The following LYRM4 variants were observed in gnomAD, a reference collection of about 807,000 sequenced individuals.
LYRM4 encodes the protein LYR motif containing 4.
A neutral mutation model predicts 11.7 loss-of-function variants in LYRM4; 9 were observed. The observed-to-expected ratio is 0.77, with a 90% CI of 0.46 to 1.34. The LOEUF (loss-of-function observed/expected upper bound fraction) is 1.34. Ranked by LOEUF, LYRM4 falls within the 40% of genes most tolerant of loss-of-function variation. The pLI is 0.00. For missense variants in LYRM4, 133 were observed against 112.5 expected (o/e 1.18, Z -0.82); for synonymous variants, 42 against 40.4 (o/e 1.04, Z -0.15).
chr6:5,117,446 TC>T (rs1308629425), intron 2 of LYRM4, among the ~76,000 whole-genome samples: 1 of 151,836 alleles, frequency 6.6e-6, no homozygotes, highest in East Asian at 1.9e-4. Context: ...TCGCAGCTAC[TC>T]GGGAGGCTGA....
chr6:5,081,370 C>T, the LYRM4 span, among the ~76,000 whole-genome samples: 5 of 152,180 alleles, frequency 3.3e-5, no homozygotes, highest in African/African-American at 4.8e-5. Context: ...TGTTTCTGCA[C>T]CTTTCAGGAG....
chr6:5,209,807 AG>A (rs761404727), intron 2 of LYRM4, among the ~76,000 whole-genome samples: 14 of 152,232 alleles, frequency 9.2e-5, no homozygotes, highest in Admixed American at 6.5e-5. Flanking sequence ...GAAGCCAACC[AG>A]GGAACAGGGA....
chr6:5,106,497 G>A (rs148634678), downstream of LYRM4: 1,428 of 152,390 alleles, frequency 9.4e-3, 12 homozygotes, highest in Middle Eastern at 0.017. Flanking sequence ...TGAGATTAAC[G>A]GGAGAGGCTG....
At chr6:5,105,835 A>ACAAAG (rs1429115116), downstream of LYRM4, 2 of 154,574 alleles carry the variant, frequency 1.3e-5, no homozygotes, top group Non-Finnish European at 2.9e-5. Flanking sequence ...ACAAAACAAA[A>ACAAAG]CAAAAACCTC....
chr6:5,054,082 A>G, the LYRM4 span: 8 of 981,548 alleles, frequency 8.2e-6, no homozygotes, highest in Non-Finnish European at 8.5e-6. Context: ...TCTTACCTTC[A>G]TCCAGGAACT....
rs374818346 is a variant in LYRM4 at position 5,131,148 on chromosome 6, T to C, written c.208-21657A>G. 2.6e-5 allele frequency among the ~76,000 whole-genome samples: 4 copies of C among 152,284 alleles called. No individual in the cohort carries two copies. The South Asian group carries it at 6.2e-4, about 24-fold the overall frequency. ...TATATTAATATTTGACAAGGCAGAA[T>C]TGAGTCTAAAACCTTCAAACTAAAT... On this transcript the variant is annotated intron_variant, in intron 2 of 2. Transcript: ENST00000330636.
the LYRM4 span, chr6:5,034,026 C>G: frequency 1.3e-5 from 2 of 152,338 alleles, no homozygotes; most frequent in Non-Finnish European, 2.9e-5. Flanking sequence ...CAGAGCCATG[C>G]TTTTGCATTT....
chr6:5,225,031 C>A (rs537058967), intron 1 of LYRM4, among the ~76,000 whole-genome samples: 1 of 152,044 alleles, frequency 6.6e-6, no homozygotes, highest in South Asian at 2.1e-4. Context: ...GGCGGATCAC[C>A]TGAGGTCGGG....
intron 2 of LYRM4, among the ~76,000 whole-genome samples, chr6:5,191,707 A>G (rs1760764899): frequency 1.3e-5 from 2 of 152,234 alleles, no homozygotes; most frequent in African/African-American, 4.8e-5. Flanking sequence ...TGGGTCTGAA[A>G]ACCACTGAGT....
At chr6:5,249,025 A>C (rs1466488889) in intron 1 of LYRM4, among the ~76,000 whole-genome samples, 1 of 152,264 alleles carries the variant, frequency 6.6e-6, no homozygotes, top group Non-Finnish European at 1.5e-5. Context: ...ATTTAACTGA[A>C]TTGGCAAAGT....
intron 1 of LYRM4, among the ~76,000 whole-genome samples, chr6:5,250,725 G>A (rs1268107365): frequency 6.8e-5 from 6 of 88,126 alleles, no homozygotes; most frequent in Admixed American, 4.7e-4. Flanking sequence ...CAGAACAAAC[G>A]TAAGAACTGA....
chr6:5,055,311 C>T, the LYRM4 span, among the ~76,000 whole-genome samples: 1 of 152,202 alleles, frequency 6.6e-6, no homozygotes, highest in East Asian at 1.9e-4. The surrounding 1 kb of genome is among the most constrained non-coding windows in gnomAD (Gnocchi z 4.5). Flanking sequence ...TCAGGACCTC[C>T]TGAGGCTGTG....
chr6:5,053,388 A>T, the LYRM4 span, among the ~76,000 whole-genome samples: 1 of 152,116 alleles, frequency 6.6e-6, no homozygotes, highest in African/African-American at 2.4e-5. Context: ...AGGGCCATGA[A>T]TATGGGGCTG....
chr6:5,191,096 T>C (rs1227125669), intron 2 of LYRM4, among the ~76,000 whole-genome samples: 3 of 151,412 alleles, frequency 2.0e-5, no homozygotes, highest in African/African-American at 4.9e-5. Context: ...AACACTGTAA[T>C]AGAAAAAAAA....
chr6:5,168,601 G>C (rs1213679952), intron 2 of LYRM4, among the ~76,000 whole-genome samples: 1 of 152,132 alleles, frequency 6.6e-6, no homozygotes, highest in Non-Finnish European at 1.5e-5. Context: ...AAACAAACAT[G>C]ATAGTCAAGG....
the LYRM4 span, among the ~76,000 whole-genome samples, chr6:5,084,006 G>A: frequency 2.2e-4 from 34 of 152,276 alleles, no homozygotes; most frequent in Admixed American, 5.2e-4. Context: ...GCAGTGGGGG[G>A]CGCCTGTAAT....
At chr6:5,128,128 G>T (rs1763780793) in intron 2 of LYRM4, among the ~76,000 whole-genome samples, 1 of 152,152 alleles carries the variant, frequency 6.6e-6, no homozygotes, top group Admixed American at 6.5e-5. Flanking sequence ...CAATGGGAGA[G>T]GGTGTCTTAC....
chr6:5,151,045 A>G (rs1425953448), intron 2 of LYRM4, among the ~76,000 whole-genome samples: 1 of 151,600 alleles, frequency 6.6e-6, no homozygotes, highest in Non-Finnish European at 1.5e-5. Context: ...TCTTACTCCA[A>G]ATCTTCAGGG....
the LYRM4 span, among the ~76,000 whole-genome samples, chr6:5,070,972 G>C: frequency 2.6e-5 from 4 of 151,346 alleles, no homozygotes; most frequent in Admixed American, 2.6e-4. Context: ...TGGACGGATC[G>C]CGAGGTCAGG....
Sources: allele counts gnomAD v4.1 joint callset (sites outside exome capture counted in the v4.1 genomes callset), GRCh38; gene constraint gnomAD v4.1.1; non-coding constraint Gnocchi (gnomAD v3.1); transcripts MANE v1.5; gene names NCBI Gene and HGNC (gene_info 2026-07-23, HGNC 2026-07-21).